The following TENM4 variants were observed in gnomAD, a reference collection of about 807,000 sequenced individuals.
The protein encoded by TENM4 is teneurin-4.
In TENM4, 82 loss-of-function variants were observed where a neutral mutation model predicts 243.3. That is an observed-to-expected ratio of 0.34 (90% confidence interval 0.28 to 0.40). The LOEUF is 0.40. Ranked by LOEUF, TENM4 falls within the 10% of genes least tolerant of loss-of-function variation. The pLI is 1.00. For synonymous variants in TENM4, 1,412 were observed against 1,456.3 expected (o/e 0.97, Z 0.69); for missense variants, 3,138 against 3,673.3 (o/e 0.85, Z 3.77).
intron 4 of TENM4, among the ~76,000 whole-genome samples, chr11:79,078,530 T>C (rs189219523): frequency 7.9e-5 from 12 of 152,264 alleles, no homozygotes; most frequent in African/African-American, 2.4e-4. Flanking sequence ...GGCACTCCTA[T>C]CCCCACTTTA....
At chr11:79,265,799 G>T (rs1009180512) in intron 2 of TENM4, among the ~76,000 whole-genome samples, 1 of 152,078 alleles carries the variant, frequency 6.6e-6, no homozygotes, top group Non-Finnish European at 1.5e-5. Flanking sequence ...TAAAAACCTA[G>T]TCCTTCTCTC....
At chr11:79,377,912 T>G (rs1384272587) in intron 1 of TENM4, among the ~76,000 whole-genome samples, 2 of 152,202 alleles carry the variant, frequency 1.3e-5, no homozygotes, top group African/African-American at 2.4e-5. Context: ...CAAGGGCACC[T>G]TTCCCATCCT....
chr11:79,059,646 T>C (rs1216596481), intron 6 of TENM4, among the ~76,000 whole-genome samples: 1 of 152,232 alleles, frequency 6.6e-6, no homozygotes, highest in South Asian at 2.1e-4. Context: ...TAGAGCTCAG[T>C]GGCATTAGTG....
At chr11:78,832,011 T>C (rs768510138) in intron 12 of TENM4, among the ~76,000 whole-genome samples, 5 of 152,206 alleles carry the variant, frequency 3.3e-5, no homozygotes, top group Non-Finnish European at 5.9e-5. Flanking sequence ...TGCTGGTACA[T>C]TGCATTGTGT....
chr11:79,389,359 G>C (rs926031774), intron 1 of TENM4, among the ~76,000 whole-genome samples: 1 of 152,164 alleles, frequency 6.6e-6, no homozygotes, highest in Non-Finnish European at 1.5e-5. Flanking sequence ...GTCTTGCTAT[G>C]TTGACCAGTC....
intron 9 of TENM4, among the ~76,000 whole-genome samples, chr11:78,875,324 C>A (rs149711876): frequency 6.6e-6 from 1 of 152,302 alleles, no homozygotes; most frequent in Admixed American, 6.5e-5. Context: ...TTGCTTCAGC[C>A]TCTCGAGTAG....
Position 79,002,767 on chromosome 11 carries a change from G to A in TENM4, c.493+61971C>T, listed in dbSNP as rs148806752. On this transcript the variant is annotated intron_variant, in intron 6 of 33. Coordinates refer to ENST00000278550, the MANE Select transcript of TENM4 (RefSeq NM_001098816.3). Reference sequence around the variant, plus strand: ...GGGGTCTTCTCATCTCCAATTGACTGCACTAGTTCCCCAGCAATGATTCTT... The same window carrying A: ...GGGGTCTTCTCATCTCCAATTGACTACACTAGTTCCCCAGCAATGATTCTT... Among the ~76,000 whole-genome samples the A allele has an allele frequency of 7.1e-3, 1,079 of 152,270 alleles. 12 individuals are homozygous for A. Among genetic ancestry groups the A allele is most frequent in the African/African-American group, 0.024 (999 of 41,572 alleles).
intron 3 of TENM4, among the ~76,000 whole-genome samples, chr11:79,196,840 C>T (rs964116792): frequency 1.3e-5 from 2 of 152,156 alleles, no homozygotes; most frequent in Non-Finnish European, 2.9e-5. Flanking sequence ...TGAGAGCCCA[C>T]CTGACCCACA....
chr11:79,421,491 A>G (rs1233710482), intron 1 of TENM4, among the ~76,000 whole-genome samples: 1 of 152,224 alleles, frequency 6.6e-6, no homozygotes, highest in African/African-American at 2.4e-5. Flanking sequence ...TGAAACTATA[A>G]CGATGGGCAC....
At chr11:79,029,082 T>C (rs1859159563) in intron 6 of TENM4, among the ~76,000 whole-genome samples, 1 of 152,210 alleles carries the variant, frequency 6.6e-6, no homozygotes, top group South Asian at 2.1e-4. Flanking sequence ...AAAATATTTT[T>C]CCCCTCGCAT....
At chr11:79,373,228 G>A (rs1857820814) in intron 1 of TENM4, among the ~76,000 whole-genome samples, 1 of 152,162 alleles carries the variant, frequency 6.6e-6, no homozygotes, top group Admixed American at 6.5e-5. Context: ...GTTGATGCTT[G>A]GCTGGCTGGC....
intron 4 of TENM4, among the ~76,000 whole-genome samples, chr11:79,088,852 C>A (rs1201146637): frequency 6.6e-6 from 1 of 152,192 alleles, no homozygotes; most frequent in African/African-American, 2.4e-5. Flanking sequence ...GGGTTTGGTT[C>A]TTGTCCTAGA....
chr11:79,100,530 G>T (rs1473611783), intron 4 of TENM4, among the ~76,000 whole-genome samples: 1 of 152,178 alleles, frequency 6.6e-6, no homozygotes, highest in Non-Finnish European at 1.5e-5. Context: ...CAGGACTGAG[G>T]CCTGCCCTCG....
intron 6 of TENM4, among the ~76,000 whole-genome samples, chr11:78,935,991 A>G (rs1362568926): frequency 6.6e-6 from 1 of 152,180 alleles, no homozygotes; most frequent in Non-Finnish European, 1.5e-5. Context: ...AAGCTTCGTG[A>G]TTCCATCTGT....
chr11:79,339,960 T>C (rs988723912), intron 1 of TENM4, among the ~76,000 whole-genome samples: 6 of 151,882 alleles, frequency 4.0e-5, no homozygotes, highest in South Asian at 2.1e-4. Flanking sequence ...CGTGAGGAAG[T>C]GACAGGTCAG....
chr11:78,814,874 T>C (rs1297229122), intron 12 of TENM4, among the ~76,000 whole-genome samples: 2 of 152,182 alleles, frequency 1.3e-5, no homozygotes, highest in African/African-American at 4.8e-5. Context: ...TTTTCATATA[T>C]CCATGTAGGT....
chr11:79,338,393 T>C lies in TENM4; in HGVS notation c.-320-40850A>G, dbSNP rs554804753. Among the ~76,000 whole-genome samples, 130 of 152,304 alleles carry C rather than the reference T, an allele frequency of 8.5e-4. 7 individuals are homozygous for C. In the South Asian group the frequency reaches 0.014, roughly 16 times the overall value. On this transcript the variant is annotated intron_variant, in intron 1 of 33. Coordinates refer to ENST00000278550, the MANE Select transcript of TENM4 (RefSeq NM_001098816.3). ...TCAACTCCCGTTCAGCACTGGGAAG[T>C]AAGCAGACCATCTAATCCTTGAAAC...
chr11:79,027,029 C>T (rs1023678941), intron 6 of TENM4, among the ~76,000 whole-genome samples: 1 of 152,120 alleles, frequency 6.6e-6, no homozygotes, highest in South Asian at 2.1e-4. Flanking sequence ...TACTGAGTTC[C>T]TACACACTCC....
chr11:79,025,321 G>A (rs955052926), intron 6 of TENM4, among the ~76,000 whole-genome samples: 1 of 152,308 alleles, frequency 6.6e-6, no homozygotes, highest in South Asian at 2.1e-4. Flanking sequence ...GCCAGAAGGG[G>A]ACATCTAGAG....
Sources: gnomAD v4.1 joint callset for allele counts (sites outside exome capture counted in the v4.1 genomes callset) on GRCh38, gnomAD v4.1.1 for gene constraint, MANE v1.5 for transcripts, NCBI Gene and HGNC (gene_info 2026-07-23, HGNC 2026-07-21) for gene names.